TDP1: variants seen among roughly 807,000 people sequenced by gnomAD.
TDP1 encodes the protein tyr-DNA phosphodiesterase 1.
TDP1 carries 64 observed loss-of-function variants against 81.5 expected under a neutral mutation model. The ratio of observed to expected loss-of-function variants is 0.79; its 90% CI spans 0.64 to 0.97. The LOEUF is 0.97. Among genes scored for constraint, TDP1 ranks in the 50% least tolerant of loss-of-function variants. TDP1 has a pLI of 0.00. For synonymous variants in TDP1, 256 were observed against 264.3 expected (o/e 0.97, Z 0.30); for missense variants, 723 against 743.8 (o/e 0.97, Z 0.33).
At chr14:90,013,134 T>C (rs1884913666) in intron 14 of TDP1, among the ~76,000 whole-genome samples, 1 of 152,236 alleles carries the variant, frequency 6.6e-6, no homozygotes. Flanking sequence ...AGGGACGTAC[T>C]GTGTCTCAGA....
At chr14:90,020,354 T>TCCCTGCCTCCCTCCCTG (rs1885831396) in intron 15 of TDP1, among the ~76,000 whole-genome samples, 2 of 128,326 alleles carry the variant, frequency 1.6e-5, no homozygotes, top group East Asian at 4.2e-4. Context: ...CTTCCTCCCT[T>TCCCTGCCTCCCTCCCTG]CCTCCCTCCC....
intron 11 of TDP1, 85 bp downstream of exon 11, chr14:89,989,175 A>G: frequency 9.6e-7 from 1 of 1,042,312 alleles, no homozygotes; most frequent in Admixed American, 2.1e-5. Flanking sequence ...TGTAATGGAG[A>G]GATGTTTTAT....
Position 89,983,549 on chromosome 14 carries a change from C to T in TDP1, c.885-967C>T, listed in dbSNP as rs568557947. On this transcript the variant is annotated intron_variant, in intron 8 of 16. Transcript: ENST00000335725. Reference sequence around the variant, plus strand: ...TTCTCTTTCAGCTTAATAGATAGAACCCAGGGTGGGGAAAAGGAGAGTAGC... The same window carrying T: ...TTCTCTTTCAGCTTAATAGATAGAATCCAGGGTGGGGAAAAGGAGAGTAGC... Among the ~76,000 whole-genome samples, 321 of 152,276 alleles carry T rather than the reference C, an allele frequency of 2.1e-3. 2 individuals carry two copies. The highest frequency in any genetic ancestry group is 7.3e-3 in the African/African-American group (304 of 41,532).
At position 89,959,889 on chromosome 14, in the gene TDP1, G is replaced by A. The variant is rs529574212; in HGVS notation, c.-8+3089G>A. Among the ~76,000 whole-genome samples, 4 of 152,196 alleles carry A rather than the reference G, an allele frequency of 2.6e-5. No homozygotes were observed. In the South Asian group the frequency reaches 8.3e-4, roughly 32 times the overall value. ...GGAAATTCCATTTTATTTATATAAT[G>A]CAGGCAACCATATTTGTTATGGTAG... is the stretch of plus-strand genomic sequence containing the variant. On this transcript the variant is annotated intron_variant, in intron 2 of 16. Transcript: ENST00000335725.
At chr14:90,020,360 C>T (rs1401920767) in intron 15 of TDP1, among the ~76,000 whole-genome samples, 2 of 141,046 alleles carry the variant, frequency 1.4e-5, no homozygotes, top group African/African-American at 3.0e-5. Context: ...CCCTTCCTCC[C>T]TCCCTCCCTC....
At chr14:89,997,416 A>C (rs1042158690) in intron 14 of TDP1, among the ~76,000 whole-genome samples, 4 of 152,180 alleles carry the variant, frequency 2.6e-5, no homozygotes, top group African/African-American at 9.7e-5. Context: ...ATTGTCACTG[A>C]TATCAGTATA....
chr14:89,976,132 G>A (rs1327622309), intron 7 of TDP1, among the ~76,000 whole-genome samples: 1 of 152,090 alleles, frequency 6.6e-6, no homozygotes, highest in Non-Finnish European at 1.5e-5. Flanking sequence ...TCAAGATGTG[G>A]TCTCACTCTG....
intron 14 of TDP1, among the ~76,000 whole-genome samples, chr14:90,017,987 A>C (rs1232837505): frequency 6.6e-6 from 1 of 152,170 alleles, no homozygotes; most frequent in Non-Finnish European, 1.5e-5. Flanking sequence ...CTATTTGCTT[A>C]AGTCAGCCTA....
chr14:89,990,020 C>T (rs910161322), intron 12 of TDP1, among the ~76,000 whole-genome samples: 3 of 152,122 alleles, frequency 2.0e-5, no homozygotes, highest in African/African-American at 7.2e-5. Flanking sequence ...GGTTGGTTGT[C>T]CAGACAAGAT....
At chr14:89,956,968 A>C (rs1566834529) in intron 2 of TDP1, 168 bp downstream of exon 2, 1 of 152,148 alleles carries the variant, frequency 6.6e-6, no homozygotes, top group Non-Finnish European at 1.5e-5. Context: ...CATTGCATAA[A>C]ATCCAATTTC....
At position 89,966,208 on chromosome 14, in the gene TDP1, C is replaced by G; in HGVS notation, c.603+18C>G. The G allele has an allele frequency of 6.4e-7, 1 of 1,566,986 alleles. No individual in the cohort carries two copies. Among genetic ancestry groups the G allele is most frequent in the Non-Finnish European group, 8.8e-7 (1 of 1,137,630 alleles). ...CAGCTCAGGTGAGTATACCTTTAAG[C>G]TGTTTTTTCTTTGGGTGAAAGTAGA... On this transcript the variant is annotated intron_variant, in intron 4 of 16. Coordinates refer to ENST00000335725, the MANE Select transcript of TDP1 (RefSeq NM_018319.4).
rs2139946191 is a variant in TDP1 at position 89,963,653 on chromosome 14, C to T, written c.539C>T (p.Ser180Phe). The change falls in exon 3 of 17, where the codon TCT becomes TTT. Residue 180 changes from serine to phenylalanine, a missense_variant. Transcript: ENST00000335725. ...TCTGGAGTTAAGCCAAAGTATAACT[C>T]TGGAGCCCTCCACATCAAGGGTAAG... Reference protein sequence around the residue: ...RVSGVKPKYNSGALHIKDILS... With the variant: ...RVSGVKPKYNFGALHIKDILS... 6.2e-7 allele frequency: 1 copy of T among 1,613,984 alleles called. No individual in the cohort carries two copies. The highest frequency in any genetic ancestry group is 8.5e-7 in the Non-Finnish European group (1 of 1,179,904).
chr14:89,989,967 C>T (rs1465951617), intron 12 of TDP1, among the ~76,000 whole-genome samples: 1 of 152,146 alleles, frequency 6.6e-6, no homozygotes, highest in African/African-American at 2.4e-5. Context: ...TACAGAAACC[C>T]TCTGCACAAT....
chr14:89,984,999 G>A (rs1895397262), intron 9 of TDP1, 133 bp from the exon 10 acceptor site: 5 of 1,349,658 alleles, frequency 3.7e-6, no homozygotes, highest in Non-Finnish European at 5.0e-6. Context: ...GAATTTGAGA[G>A]TCAATTCAAG....
intron 15 of TDP1, among the ~76,000 whole-genome samples, chr14:90,027,771 G>A (rs997396321): frequency 2.0e-5 from 3 of 152,096 alleles, no homozygotes; most frequent in Non-Finnish European, 4.4e-5. Flanking sequence ...CCTTTTTCTC[G>A]TTGTACAATG....
intron 14 of TDP1, among the ~76,000 whole-genome samples, chr14:90,015,946 A>G (rs1449786341): frequency 6.6e-6 from 1 of 152,052 alleles, no homozygotes; most frequent in East Asian, 1.9e-4. Context: ...CCTCAACCAC[A>G]ATTTCCAGAA....
Position 89,967,403 on chromosome 14 carries a change from C to G in TDP1, c.640C>G (p.Gln214Glu). 1.2e-6 allele frequency: 2 copies of G among 1,613,936 alleles called. No homozygotes were observed. The highest frequency in any genetic ancestry group is 8.5e-7 in the Non-Finnish European group (1 of 1,179,872). Residue 214 changes from glutamine to glutamate, a missense_variant, in exon 5 of 17, where the codon CAG becomes GAG. Physicochemically the swap from Gln to Glu is conservative, Grantham distance 29. Transcript: ENST00000335725. ...YCFDVDWLVK[Q>E]YPPEFRKKPI... ...CTTTGACGTGGACTGGCTCGTAAAA[C>G]AGTATCCACCAGAGTTCAGGTGAGT...
chr14:89,989,212 G>C (rs1009967706), intron 11 of TDP1, 122 bp downstream of exon 11: 8 of 1,329,398 alleles, frequency 6.0e-6, no homozygotes, highest in Non-Finnish European at 8.1e-6. Context: ...TTTTTTTGGC[G>C]TGGCGGGGGC....
intron 14 of TDP1, among the ~76,000 whole-genome samples, chr14:89,997,447 G>T (rs183539023): frequency 1.4e-4 from 21 of 152,298 alleles, no homozygotes; most frequent in Admixed American, 6.5e-4. Flanking sequence ...AATGGAACTG[G>T]CCTACCACAG....
Sources: gnomAD v4.1 joint callset for allele counts (sites outside exome capture counted in the v4.1 genomes callset) on GRCh38, gnomAD v4.1.1 for gene constraint, MANE v1.5 for transcripts, NCBI Gene and HGNC (gene_info 2026-07-23, HGNC 2026-07-21) for gene names.